The following ANKIB1 variants were observed in gnomAD, a reference collection of about 807,000 sequenced individuals.
ANKIB1 encodes the protein ankyrin repeat and IBR domain containing 1, also known as ankyrin repeat and IBR domain-containing protein 1.
In ANKIB1, 43 loss-of-function variants were observed where a neutral mutation model predicts 122.1. That is an observed-to-expected ratio of 0.35 (90% CI 0.28 to 0.45). ANKIB1 has a LOEUF of 0.45. ANKIB1 is among the 20% of genes least tolerant of loss of function. ANKIB1 has a pLI of 1.00. For missense variants in ANKIB1, 992 were observed against 1,329.5 expected, an observed-to-expected ratio of 0.75 and a Z score of 3.95; for synonymous variants, 390 against 442.0, an observed-to-expected ratio of 0.88 and a Z score of 1.48.
intron 1 of ANKIB1, among the ~76,000 whole-genome samples, chr7:92,258,276 C>T (rs992860061): frequency 1.3e-5 from 2 of 152,250 alleles, no homozygotes; most frequent in Middle Eastern, 3.4e-3. Context: ...AATAAGGTTC[C>T]AATTCAGGGA....
chr7:92,288,344 C>T (rs983238572), intron 1 of ANKIB1, among the ~76,000 whole-genome samples: 2 of 152,146 alleles, frequency 1.3e-5, no homozygotes, highest in African/African-American at 4.8e-5. Flanking sequence ...CATTGAAAAT[C>T]AATTACAGAA....
At chr7:92,325,632 CTTT>C (rs397956901) in intron 4 of ANKIB1, among the ~76,000 whole-genome samples, 1 of 144,940 alleles carries the variant, frequency 6.9e-6, no homozygotes. Flanking sequence ...AGTGCCTATT[CTTT>C]TTTTTTTTTC....
At chr7:92,320,111 T>C (rs1190649292) in intron 4 of ANKIB1, 1 of 152,354 alleles carries the variant, frequency 6.6e-6, no homozygotes, top group Non-Finnish European at 1.5e-5. Flanking sequence ...TCACCTTCTC[T>C]TTTGGATTGA....
intron 5 of ANKIB1, among the ~76,000 whole-genome samples, chr7:92,330,821 G>A (rs914409291): frequency 2.1e-4 from 32 of 152,078 alleles, no homozygotes; most frequent in Middle Eastern, 3.2e-3. Flanking sequence ...CAGCCTGGAC[G>A]ACAGAGCGAG....
chr7:92,397,655 T>G (rs1442567053), intron 18 of ANKIB1, 68 bp from the exon 19 acceptor site: 1 of 1,576,504 alleles, frequency 6.3e-7, no homozygotes, highest in Middle Eastern at 1.7e-4. Flanking sequence ...AACAACCAGA[T>G]GTATGAAAAA....
At chr7:92,283,925 C>G (rs1398312085) in intron 1 of ANKIB1, among the ~76,000 whole-genome samples, 1 of 152,128 alleles carries the variant, frequency 6.6e-6, no homozygotes, top group Non-Finnish European at 1.5e-5. Context: ...CATGTGCCAC[C>G]AGGCACAGCT....
intron 11 of ANKIB1, among the ~76,000 whole-genome samples, chr7:92,383,309 G>C (rs1385347684): frequency 6.6e-6 from 1 of 152,162 alleles, no homozygotes; most frequent in African/African-American, 2.4e-5. Flanking sequence ...TTGTACCAGA[G>C]CTGCCAAGAG....
Position 92,397,738 on chromosome 7 carries a change from G to T in ANKIB1, c.2411G>T (p.Gly804Val). The change falls in exon 19 of 20, where the codon GGC (glycine) becomes GTC (valine). Residue 804 changes from glycine to valine, a missense_variant. By Grantham distance (109) the Gly-to-Val change is moderately radical (BLOSUM62 -3). Coordinates refer to ENST00000265742, the MANE Select transcript of ANKIB1 (RefSeq NM_019004.2). ...TTTGAAACAGATATTCCAGAAGGCG[G>T]CAGCAGCAGCCGCAGGCCTGGCACA... ...SESTLDIPEG[G>V]SSSRRPGTSV... 8.1e-6 allele frequency: 13 copies of T among 1,611,588 alleles called. No individual in the cohort carries two copies. Among genetic ancestry groups the T allele is most frequent in the Non-Finnish European group, 1.1e-5 (13 of 1,179,092 alleles).
intron 9 of ANKIB1, among the ~76,000 whole-genome samples, chr7:92,359,269 T>C (rs1345063099): frequency 2.0e-5 from 3 of 152,208 alleles, no homozygotes; most frequent in African/African-American, 4.8e-5. Flanking sequence ...CCCCACCCTG[T>C]GTCCATGTGT....
chr7:92,298,410 G>A (rs1421377550), intron 2 of ANKIB1, among the ~76,000 whole-genome samples: 1 of 151,654 alleles, frequency 6.6e-6, no homozygotes, highest in Non-Finnish European at 1.5e-5. Context: ...TATTACTAAG[G>A]TAATGTGTAT....
intron 17 of ANKIB1, among the ~76,000 whole-genome samples, chr7:92,395,020 A>G (rs902486993): frequency 2.0e-5 from 3 of 152,208 alleles, no homozygotes; most frequent in South Asian, 2.1e-4. Flanking sequence ...GGATAATCAT[A>G]AAGTTGAATA....
intron 5 of ANKIB1, among the ~76,000 whole-genome samples, chr7:92,341,506 A>C (rs1376499641): frequency 6.6e-6 from 1 of 151,530 alleles, no homozygotes; most frequent in African/African-American, 2.4e-5. Flanking sequence ...AAAAAAAAAA[A>C]CTGTAAACAA....
At chr7:92,334,113 C>A (rs1354932860) in intron 5 of ANKIB1, among the ~76,000 whole-genome samples, 1 of 152,040 alleles carries the variant, frequency 6.6e-6, no homozygotes, top group Non-Finnish European at 1.5e-5. Context: ...CTCATTCTTG[C>A]ATTCATTTGT....
At chr7:92,307,231 C>A in intron 2 of ANKIB1, 128 bp from the exon 3 acceptor site, 1 of 896,314 alleles carries the variant, frequency 1.1e-6, no homozygotes, top group Non-Finnish European at 1.6e-6. Flanking sequence ...GTAAACCAGA[C>A]CCTCAGTATA....
intron 2 of ANKIB1, among the ~76,000 whole-genome samples, chr7:92,301,907 G>T (rs1028290793): frequency 1.3e-5 from 2 of 151,782 alleles, no homozygotes; most frequent in East Asian, 3.9e-4. Context: ...AGACTTCATT[G>T]TAGACTGTAG....
chr7:92,336,090 A>G (rs151170063), intron 5 of ANKIB1, among the ~76,000 whole-genome samples: 5 of 152,160 alleles, frequency 3.3e-5, no homozygotes, highest in African/African-American at 7.2e-5. Context: ...TATCATTATT[A>G]TAGTACATAA....
At chr7:92,321,130 TTTGA>T (rs1343033850) in intron 4 of ANKIB1, among the ~76,000 whole-genome samples, 4 of 152,108 alleles carry the variant, frequency 2.6e-5, no homozygotes, top group Admixed American at 6.6e-5. Flanking sequence ...TATTAATATT[TTTGA>T]TTGAAAAATA....
intron 1 of ANKIB1, among the ~76,000 whole-genome samples, chr7:92,270,728 G>GTTTTTTTTTT (rs397889266): frequency 2.4e-5 from 2 of 81,982 alleles, no homozygotes; most frequent in Non-Finnish European, 4.6e-5. Flanking sequence ...CATCGCTATA[G>GTTTTTTTTTT]TTTTTTTTTT....
At chr7:92,345,204 T>C (rs1803514930) in intron 7 of ANKIB1, 138 bp downstream of exon 7, 2 of 600,310 alleles carry the variant, frequency 3.3e-6, no homozygotes, top group Non-Finnish European at 5.7e-6. Flanking sequence ...ATTTAGACTT[T>C]ACTAGTAAGG....
Sources: allele counts gnomAD v4.1 joint callset (sites outside exome capture counted in the v4.1 genomes callset), GRCh38; gene constraint gnomAD v4.1.1; transcripts MANE v1.5; gene names NCBI Gene and HGNC (gene_info 2026-07-23, HGNC 2026-07-21).